The following PACS1 variants were observed in gnomAD, a reference collection of about 807,000 sequenced individuals.
The protein encoded by PACS1 is phosphofurin acidic cluster sorting protein 1, also known as PACS-1.
A neutral mutation model predicts 115.0 loss-of-function variants in PACS1; 24 were observed. The ratio of observed to expected loss-of-function variants is 0.21; its 90% confidence interval spans 0.15 to 0.29. The LOEUF (loss-of-function observed/expected upper bound fraction) is 0.29. PACS1 is among the 10% of genes least tolerant of loss of function. PACS1 has a pLI of 1.00. For synonymous variants in PACS1, 453 were observed against 504.5 expected, an observed-to-expected ratio of 0.90 and a Z score of 1.37; for missense variants, 838 against 1,251.2, an observed-to-expected ratio of 0.67 and a Z score of 4.98.
intron 2 of PACS1, among the ~76,000 whole-genome samples, chr11:66,194,459 G>A (rs1027624685): frequency 6.6e-6 from 1 of 152,170 alleles, no homozygotes; most frequent in Admixed American, 6.5e-5. Context: ...AAGGAAAAGA[G>A]AAGGGAAAAG....
At chr11:66,242,821 G>C in intron 22 of PACS1, 91 bp from the exon 23 acceptor site, 1 of 1,559,048 alleles carries the variant, frequency 6.4e-7, no homozygotes, top group Non-Finnish European at 8.8e-7. Flanking sequence ...ACCTCCCCTC[G>C]CCACAGGAAG....
At chr11:66,215,094 G>A (rs1036342555) in intron 4 of PACS1, among the ~76,000 whole-genome samples, 1 of 151,708 alleles carries the variant, frequency 6.6e-6, no homozygotes, top group African/African-American at 2.4e-5. Flanking sequence ...CACCACACCT[G>A]GCTAATTTTT....
intron 1 of PACS1, among the ~76,000 whole-genome samples, chr11:66,079,272 C>T (rs1319842444): frequency 1.6e-5 from 2 of 128,168 alleles, no homozygotes; most frequent in Admixed American, 8.1e-5. Flanking sequence ...TCTTTTGTTC[C>T]TCTTGGTAGG....
At chr11:66,202,726 G>GGGA (rs1554988658) in intron 2 of PACS1, among the ~76,000 whole-genome samples, 3 of 10,964 alleles carry the variant, frequency 2.7e-4, no homozygotes, top group Non-Finnish European at 6.0e-4. Context: ...TCATCTCTAG[G>GGGA]AAAAAAAAAA....
At chr11:66,205,217 T>C (rs1854907863) in intron 2 of PACS1, among the ~76,000 whole-genome samples, 1 of 152,126 alleles carries the variant, frequency 6.6e-6, no homozygotes, top group African/African-American at 2.4e-5. Flanking sequence ...ACTCCTGACC[T>C]CAGGTGATCT....
intron 1 of PACS1, among the ~76,000 whole-genome samples, chr11:66,127,285 G>A (rs1410236327): frequency 6.6e-6 from 1 of 152,144 alleles, no homozygotes; most frequent in African/African-American, 2.4e-5. Flanking sequence ...CTGAACCCCC[G>A]GTGAATTTTG....
intron 10 of PACS1, among the ~76,000 whole-genome samples, chr11:66,222,423 G>A (rs1403124250): frequency 6.6e-6 from 1 of 152,060 alleles, no homozygotes; most frequent in Non-Finnish European, 1.5e-5. Context: ...GCCTTGCTCC[G>A]CCCCTCCTAG....
intron 1 of PACS1, among the ~76,000 whole-genome samples, chr11:66,099,246 C>CA (rs1283070210): frequency 6.6e-6 from 1 of 152,046 alleles, no homozygotes; most frequent in Non-Finnish European, 1.5e-5. Flanking sequence ...ATTTTTGAGA[C>CA]AGAGTGTCGC....
At chr11:66,088,627 A>G (rs547424332) in intron 1 of PACS1, among the ~76,000 whole-genome samples, 12 of 152,312 alleles carry the variant, frequency 7.9e-5, no homozygotes, top group South Asian at 2.1e-4. Context: ...CCTTGCATCA[A>G]TGCCGCCCTG....
intron 21 of PACS1, chr11:66,241,103 T>C (rs1241030496): frequency 3.9e-6 from 1 of 257,068 alleles, no homozygotes; most frequent in African/African-American, 2.2e-5. Flanking sequence ...GTTATATGTG[T>C]GTATATGTGT....
chr11:66,123,648 A>G (rs1202614621), intron 1 of PACS1, among the ~76,000 whole-genome samples: 4 of 151,904 alleles, frequency 2.6e-5, no homozygotes, highest in African/African-American at 4.8e-5. Flanking sequence ...CAGCCTCCCA[A>G]GTAGCTGGGA....
At chr11:66,135,611 A>G (rs1858821297) in intron 1 of PACS1, among the ~76,000 whole-genome samples, 1 of 151,334 alleles carries the variant, frequency 6.6e-6, no homozygotes, top group African/African-American at 2.4e-5. Flanking sequence ...AGCATGTACC[A>G]TGGCTGCCTG....
At chr11:66,087,473 C>T (rs566629526) in intron 1 of PACS1, among the ~76,000 whole-genome samples, 5 of 152,260 alleles carry the variant, frequency 3.3e-5, no homozygotes, top group Admixed American at 1.3e-4. Context: ...GAATGCCTGA[C>T]CTTAGGTGAT....
intron 1 of PACS1, chr11:66,100,784 G>A (rs1590744456): frequency 2.2e-6 from 1 of 456,284 alleles, no homozygotes; most frequent in East Asian, 7.0e-5. Context: ...ATGTCTGGCA[G>A]CTGATGCCAG....
In PACS1 at chr11:66,201,682, G is replaced by A. The variant is rs12281760; in HGVS notation, c.444+8109G>A. On this transcript the variant is annotated intron_variant, in intron 2 of 23. Transcript: ENST00000320580. ...TTTTTGTTTTTTTTTTTTCTGAGAC[G>A]GAGTTTTACTCTTGTTGCCCATGCT... 8.1e-3 allele frequency among the ~76,000 whole-genome samples: 1,190 copies of A among 147,274 alleles called. 18 individuals are homozygous for A. The highest frequency in any genetic ancestry group is 0.028 in the African/African-American group (1,113 of 40,254).
chr11:66,153,209 T>C (rs1383657963), intron 1 of PACS1, among the ~76,000 whole-genome samples: 2 of 152,180 alleles, frequency 1.3e-5, no homozygotes, highest in African/African-American at 2.4e-5. Flanking sequence ...TGGTGCACTA[T>C]AGCCTTGAAC....
intron 1 of PACS1, among the ~76,000 whole-genome samples, chr11:66,186,044 A>T (rs530218586): frequency 2.8e-4 from 43 of 152,168 alleles, no homozygotes; most frequent in African/African-American, 1.0e-3. Context: ...AGGCAGGAGG[A>T]TCGCTTGAGC....
chr11:66,188,438 T>G (rs1394133066), intron 1 of PACS1, among the ~76,000 whole-genome samples: 1 of 152,196 alleles, frequency 6.6e-6, no homozygotes, highest in Non-Finnish European at 1.5e-5. Context: ...CAAATGGTTT[T>G]CTCGAGTAAC....
intron 1 of PACS1, among the ~76,000 whole-genome samples, chr11:66,140,164 G>C (rs563735905): frequency 6.6e-6 from 1 of 152,144 alleles, no homozygotes; most frequent in African/African-American, 2.4e-5. Flanking sequence ...TGGGTGTCTC[G>C]TTAAAATGCA....
Sources: allele counts gnomAD v4.1 joint callset (sites outside exome capture counted in the v4.1 genomes callset), GRCh38; gene constraint gnomAD v4.1.1; transcripts MANE v1.5; gene names NCBI Gene and HGNC (gene_info 2026-07-23, HGNC 2026-07-21).